Variants in CLHC1 observed in about 807,000 individuals in gnomAD.
CLHC1 encodes clathrin heavy chain linker domain containing 1, also known as clathrin heavy chain linker domain-containing protein 1.
Under a neutral mutation model 69.5 loss-of-function variants are expected in CLHC1, and 72 were observed. The ratio of observed to expected loss-of-function variants is 1.04; its 90% confidence interval spans 0.86 to 1.26. The LOEUF is 1.26. Ranked by LOEUF, CLHC1 falls within the 50% of genes most tolerant of loss-of-function variation. The probability of loss-of-function intolerance (pLI) is 0.00; values close to 1 mark genes in which losing one functional copy is unlikely to be tolerated. For synonymous variants in CLHC1, 223 were observed against 224.3 expected, an observed-to-expected ratio of 0.99 and a Z score of 0.05; for missense variants, 790 against 679.3, an observed-to-expected ratio of 1.16 and a Z score of -1.81.
intron 9 of CLHC1, among the ~76,000 whole-genome samples, chr2:55,182,430 T>C (rs1046490265): frequency 6.6e-6 from 1 of 152,208 alleles, no homozygotes. Flanking sequence ...TTTATTAAGC[T>C]GTATGTACAC....
At chr2:55,211,607 T>C (rs1673022242) in intron 5 of CLHC1, among the ~76,000 whole-genome samples, 1 of 152,080 alleles carries the variant, frequency 6.6e-6, no homozygotes, top group Non-Finnish European at 1.5e-5. Context: ...AGTAGCTCAT[T>C]ACTTCAACAC....
rs948009675 is a variant in CLHC1 at position 55,223,552 on chromosome 2, T to C, written c.-82-1059A>G. ...GAGCGCCAAGGGTCGGCGCGACCGC[T>C]CTCGGCTTTGGGGACCGGATGGAGG... On this transcript the variant is annotated intron_variant, in intron 2 of 12. Transcript: ENST00000401408. Among the ~76,000 whole-genome samples, 7 of 152,174 alleles carry C rather than the reference T, an allele frequency of 4.6e-5. No individual in the cohort carries two copies. In the East Asian group the frequency reaches 1.4e-3, roughly 30 times the overall value.
intron 5 of CLHC1, among the ~76,000 whole-genome samples, chr2:55,211,257 T>C: frequency 6.6e-6 from 1 of 152,192 alleles, no homozygotes; most frequent in East Asian, 1.9e-4. Flanking sequence ...ATCCCAGCAC[T>C]TTGGGAGGCC....
chr2:55,180,439 G>T, intron 11 of CLHC1, 71 bp downstream of exon 11: 1 of 1,073,622 alleles, frequency 9.3e-7, no homozygotes, highest in Non-Finnish European at 1.4e-6. Flanking sequence ...AGTAGTGCTT[G>T]CTATTATGGG....
At chr2:55,191,432 C>T (rs1303405774) in intron 9 of CLHC1, among the ~76,000 whole-genome samples, 1 of 152,100 alleles carries the variant, frequency 6.6e-6, no homozygotes, top group African/African-American at 2.4e-5. Context: ...GACGGGGTTT[C>T]ACCATGTTGG....
intron 9 of CLHC1, among the ~76,000 whole-genome samples, chr2:55,197,031 C>A (rs1671490863): frequency 1.3e-5 from 2 of 152,096 alleles, no homozygotes; most frequent in Admixed American, 1.3e-4. Context: ...AGGCTTTGGG[C>A]CTTGACTGAA....
chr2:55,191,047 GCAAAC>G (rs1670878302), intron 9 of CLHC1, among the ~76,000 whole-genome samples: 1 of 152,158 alleles, frequency 6.6e-6, no homozygotes, highest in Non-Finnish European at 1.5e-5. Flanking sequence ...CAAAAGTAAT[GCAAAC>G]CAGAAGACAG....
upstream of CLHC1, chr2:55,232,544 G>A (rs995037714): frequency 1.3e-5 from 7 of 544,366 alleles, no homozygotes; most frequent in African/African-American, 7.6e-5. Flanking sequence ...AGGCTAGGGA[G>A]AGGAGAAACG....
rs1281862875 is a variant in CLHC1 at position 55,181,563 on chromosome 2, T to C, written c.1181+7A>G. 1.3e-6 allele frequency: 2 copies of C among 1,581,500 alleles called. No individual in the cohort carries two copies. Among genetic ancestry groups the C allele is most frequent in the East Asian group, 2.2e-5 (1 of 44,614 alleles). On this transcript the variant is annotated splice_region_variant and intron_variant, in intron 10 of 12. Coordinates refer to ENST00000401408, the MANE Select transcript of CLHC1 (RefSeq NM_152385.4). ...CAAAATTAAGTTAAAAGCTTAACTT[T>C]GCTTACCTTTCCTGTGTAACCCAAT...
intron 2 of CLHC1, among the ~76,000 whole-genome samples, chr2:55,226,242 A>G (rs1370402051): frequency 6.6e-6 from 1 of 152,062 alleles, no homozygotes; most frequent in Non-Finnish European, 1.5e-5. Flanking sequence ...AAATTGTCCA[A>G]CTGAAGTTGG....
intron 7 of CLHC1, 110 bp from the exon 8 acceptor site, chr2:55,208,820 G>C: frequency 3.7e-6 from 2 of 539,914 alleles, no homozygotes; most frequent in Non-Finnish European, 6.6e-6. Flanking sequence ...GCTCCTAACA[G>C]CAGCAACCTC....
At chr2:55,199,852 C>CA (rs1164799404) in intron 9 of CLHC1, among the ~76,000 whole-genome samples, 2 of 151,772 alleles carry the variant, frequency 1.3e-5, no homozygotes, top group Non-Finnish European at 2.9e-5. Context: ...ATAAAACAAC[C>CA]AAAAAATAAC....
Position 55,206,261 on chromosome 2 carries a change from A to ACCTTAT in CLHC1, c.1006+8_1006+9insATAAGG. The ACCTTAT allele has an allele frequency of 6.7e-7, 1 of 1,489,468 alleles. No individual in the cohort carries two copies. The highest frequency in any genetic ancestry group is 9.4e-7 in the Non-Finnish European group (1 of 1,068,734). The allele number at this position is 1,489,468 out of a possible 1,614,324, so 92.3% of individuals were successfully genotyped here. A position where few individuals can be genotyped will look rare whatever the true frequency, so the allele number is the denominator to read the frequency against. ...CATACATATATAAGGTTCAGAGAGAAATGCTTACCCTTAAATGTATTCATT... is the reference window on the plus strand; with the variant it reads ...CATACATATATAAGGTTCAGAGAGAACCTTATATGCTTACCCTTAAATGTATTCATT... On this transcript the variant is annotated intron_variant, in intron 9 of 12. Coordinates refer to ENST00000401408, the MANE Select transcript of CLHC1 (RefSeq NM_152385.4).
chr2:55,199,161 G>A (rs1671700241), intron 9 of CLHC1, among the ~76,000 whole-genome samples: 1 of 151,800 alleles, frequency 6.6e-6, no homozygotes, highest in African/African-American at 2.4e-5. Flanking sequence ...GCTGGGTGTG[G>A]CAGGGTGCAC....
At chr2:55,222,624 T>C in intron 2 of CLHC1, 131 bp from the exon 3 acceptor site, 1 of 415,970 alleles carries the variant, frequency 2.4e-6, no homozygotes. Context: ...ACCTATGTAT[T>C]AAAAGGTCTA....
chr2:55,217,070 C>T (rs1673590014), intron 4 of CLHC1, among the ~76,000 whole-genome samples: 1 of 152,070 alleles, frequency 6.6e-6, no homozygotes, highest in East Asian at 1.9e-4. Context: ...TAGCTTGTGC[C>T]TGTAGCCCCA....
chr2:55,194,762 T>C (rs1050948277), intron 9 of CLHC1, among the ~76,000 whole-genome samples: 27 of 152,316 alleles, frequency 1.8e-4, no homozygotes, highest in African/African-American at 6.0e-4. Flanking sequence ...AGAAACTGTA[T>C]ATCTGTATAT....
In CLHC1 at chr2:55,212,867, C is replaced by T. The variant is rs1673149733; in HGVS notation, c.366-61G>A. On this transcript the variant is annotated intron_variant, in intron 4 of 12. Transcript: ENST00000401408. ...TAACTTAATTCTTGAACCACAAAACCTAAAGTCAAACAGGTTAAATCATTA... is the reference window on the plus strand; with the variant it reads ...TAACTTAATTCTTGAACCACAAAACTTAAAGTCAAACAGGTTAAATCATTA... The T allele has an allele frequency of 5.4e-6, 7 of 1,307,266 alleles. No individual in the cohort carries two copies. The Middle Eastern group carries it at 1.4e-3, about 268-fold the overall frequency. 81.0% of individuals were successfully genotyped at this position (1,307,266 alleles called of 1,614,324 possible). A position where few individuals can be genotyped will look rare whatever the true frequency, so the allele number is the denominator to read the frequency against.
chr2:55,230,440 A>C (rs1675185088), intron 1 of CLHC1, among the ~76,000 whole-genome samples: 1 of 152,224 alleles, frequency 6.6e-6, no homozygotes, highest in South Asian at 2.1e-4. Flanking sequence ...AGATAGCTGG[A>C]TATGTGAAGA....
Sources: allele counts gnomAD v4.1 joint callset (sites outside exome capture counted in the v4.1 genomes callset), GRCh38; gene constraint gnomAD v4.1.1; transcripts MANE v1.5; gene names NCBI Gene and HGNC (gene_info 2026-07-23, HGNC 2026-07-21).